KCNAB1: variants seen among roughly 807,000 people sequenced by gnomAD.
KCNAB1 encodes potassium voltage-gated channel subfamily A regulatory beta subunit 1.
KCNAB1 carries 35 observed loss-of-function variants against 64.6 expected under a neutral mutation model. The ratio of observed to expected loss-of-function variants is 0.54; its 90% CI spans 0.41 to 0.72. The LOEUF is 0.72. Ranked by LOEUF, KCNAB1 falls within the 30% of genes least tolerant of loss-of-function variation. KCNAB1 has a pLI of 0.00. For synonymous variants in KCNAB1, 177 were observed against 183.8 expected, an observed-to-expected ratio of 0.96 and a Z score of 0.30; for missense variants, 401 against 512.9, an observed-to-expected ratio of 0.78 and a Z score of 2.11.
At chr3:156,384,967 G>A (rs1425951159) in intron 1 of KCNAB1, among the ~76,000 whole-genome samples, 1 of 152,158 alleles carries the variant, frequency 6.6e-6, no homozygotes, top group East Asian at 1.9e-4. Context: ...CTGGCCCCAT[G>A]GGAAGGAAAA....
At chr3:156,178,025 C>T (rs1024061201) in intron 1 of KCNAB1, among the ~76,000 whole-genome samples, 6 of 152,210 alleles carry the variant, frequency 3.9e-5, no homozygotes, top group African/African-American at 4.8e-5. Context: ...TGTGAGCCAC[C>T]GCACCCCGCC....
chr3:156,438,781 C>T (rs1451744656), intron 2 of KCNAB1, among the ~76,000 whole-genome samples: 3 of 152,074 alleles, frequency 2.0e-5, no homozygotes, highest in Admixed American at 6.5e-5. Context: ...TTTGGGAGGA[C>T]GAGGTGGGCC....
chr3:156,436,273 T>C (rs1339075449), intron 2 of KCNAB1, among the ~76,000 whole-genome samples: 1 of 152,232 alleles, frequency 6.6e-6, no homozygotes, highest in Non-Finnish European at 1.5e-5. Context: ...TGCATAGTAT[T>C]CCATGGTATA....
At chr3:156,382,000 G>C (rs1176866127) in intron 1 of KCNAB1, 1 of 152,122 alleles carries the variant, frequency 6.6e-6, no homozygotes, top group Non-Finnish European at 1.5e-5. Flanking sequence ...CAAGAATCAA[G>C]AAACCTAACC....
At chr3:156,509,526 T>C (rs1038563941) in intron 8 of KCNAB1, among the ~76,000 whole-genome samples, 2 of 152,174 alleles carry the variant, frequency 1.3e-5, no homozygotes, top group African/African-American at 4.8e-5. Flanking sequence ...TGCTGGGGCC[T>C]CACCCCCAAG....
intron 1 of KCNAB1, among the ~76,000 whole-genome samples, chr3:156,368,912 G>T (rs959246503): frequency 1.3e-5 from 2 of 152,128 alleles, no homozygotes; most frequent in Non-Finnish European, 2.9e-5. Context: ...CATAGGTTTT[G>T]GCTATTGCTC....
At chr3:156,366,588 G>A (rs1274266938) in intron 1 of KCNAB1, among the ~76,000 whole-genome samples, 1 of 152,184 alleles carries the variant, frequency 6.6e-6, no homozygotes, top group African/African-American at 2.4e-5. Flanking sequence ...CAGCCACCAT[G>A]ATACCCTTTA....
intron 1 of KCNAB1, among the ~76,000 whole-genome samples, chr3:156,310,518 T>C (rs1396496336): frequency 6.6e-6 from 1 of 152,116 alleles, no homozygotes; most frequent in African/African-American, 2.4e-5. Flanking sequence ...GCTATCAGCT[T>C]ACCTGCTGGG....
At chr3:156,505,772 C>T (rs893066262) in intron 8 of KCNAB1, among the ~76,000 whole-genome samples, 7 of 152,142 alleles carry the variant, frequency 4.6e-5, no homozygotes, top group East Asian at 1.9e-4. Context: ...CTGGTGAGGG[C>T]CTCAGGGAGC....
At chr3:156,460,214 T>TC (rs1041648667) in intron 5 of KCNAB1, 84 of 235,798 alleles carry the variant, frequency 3.6e-4, no homozygotes, top group African/African-American at 1.9e-3. Context: ...AAGCTGATTA[T>TC]CCCCCCACAC....
intron 8 of KCNAB1, among the ~76,000 whole-genome samples, chr3:156,485,276 T>C (rs1715117138): frequency 6.6e-6 from 1 of 152,118 alleles, no homozygotes; most frequent in Non-Finnish European, 1.5e-5. Context: ...TTTGAGAAAT[T>C]AAAAACTTAT....
At chr3:156,476,804 CA>C (rs1714401309) in intron 8 of KCNAB1, among the ~76,000 whole-genome samples, 1 of 152,088 alleles carries the variant, frequency 6.6e-6, no homozygotes, top group South Asian at 2.1e-4. Flanking sequence ...CACATTAAAA[CA>C]GAGCACTAAA....
In KCNAB1 at chr3:156,504,478, A is replaced by C. The variant is rs555652846; in HGVS notation, c.659-9886A>C. Reference sequence around the variant, plus strand: ...TAGTTCTAATTCTAGTTTTTTGAGAAACTTCCATACTATTCTGCATAATAG... The same window carrying C: ...TAGTTCTAATTCTAGTTTTTTGAGACACTTCCATACTATTCTGCATAATAG... On this transcript the variant is annotated intron_variant, in intron 8 of 13. Coordinates refer to ENST00000490337, the MANE Select transcript of KCNAB1 (RefSeq NM_172160.3). Among the ~76,000 whole-genome samples, 39 of 152,246 alleles carry C rather than the reference A, an allele frequency of 2.6e-4. No individual in the cohort carries two copies. In the South Asian group the frequency reaches 7.5e-3, roughly 29 times the overall value.
chr3:156,507,459 A>C (rs1716900090), intron 8 of KCNAB1, among the ~76,000 whole-genome samples: 1 of 152,226 alleles, frequency 6.6e-6, no homozygotes, highest in African/African-American at 2.4e-5. Flanking sequence ...CTCATGATCC[A>C]TACTAAGGAT....
chr3:156,329,316 G>A (rs1191758353), intron 1 of KCNAB1, among the ~76,000 whole-genome samples: 1 of 152,136 alleles, frequency 6.6e-6, no homozygotes, highest in Non-Finnish European at 1.5e-5. Flanking sequence ...AAATGGGATG[G>A]AGAAGTAGGA....
intron 1 of KCNAB1, among the ~76,000 whole-genome samples, chr3:156,161,508 C>T (rs114878944): frequency 0.017 from 2,631 of 152,294 alleles, 48 homozygotes; most frequent in South Asian, 0.031. Context: ...AGTTACCTGA[C>T]ATTTGTGATA....
At chr3:156,336,088 G>A (rs1039881360) in intron 1 of KCNAB1, among the ~76,000 whole-genome samples, 2 of 152,096 alleles carry the variant, frequency 1.3e-5, no homozygotes, top group Admixed American at 1.3e-4. Context: ...GGCCAGGCGT[G>A]ATGGCTCACA....
At chr3:156,196,898 T>A (rs1192058698) in intron 1 of KCNAB1, among the ~76,000 whole-genome samples, 4 of 152,252 alleles carry the variant, frequency 2.6e-5, no homozygotes, top group Non-Finnish European at 4.4e-5. Context: ...AACGGAATGC[T>A]TCCAGTTTTT....
intron 1 of KCNAB1, among the ~76,000 whole-genome samples, chr3:156,317,661 G>T (rs1722369852): frequency 6.6e-6 from 1 of 152,124 alleles, no homozygotes; most frequent in Non-Finnish European, 1.5e-5. Flanking sequence ...AAGAGCAAAA[G>T]AGCAGGAAAA....
Sources: allele counts gnomAD v4.1 joint callset (sites outside exome capture counted in the v4.1 genomes callset), GRCh38; gene constraint gnomAD v4.1.1; transcripts MANE v1.5; gene names NCBI Gene and HGNC (gene_info 2026-07-23, HGNC 2026-07-21).